Variants in BMAL2 observed in about 807,000 individuals in gnomAD.
The protein encoded by BMAL2 is basic helix-loop-helix ARNT-like protein 2.
At chr12:27,360,815 A>AAAAAAAAAAAAAAAAC in the BMAL2 span, among the ~76,000 whole-genome samples, 2 of 149,290 alleles carry the variant, frequency 1.3e-5, no homozygotes, top group Non-Finnish European at 3.0e-5. Flanking sequence ...AAAAAAAAAA[A>AAAAAAAAAAAAAAAAC]AAAAAAAAAA....
the BMAL2 span, chr12:27,403,345 G>A: frequency 1.1e-6 from 1 of 892,806 alleles, no homozygotes; most frequent in Non-Finnish European, 1.8e-6. Context: ...CAGCTAGTCT[G>A]TTTCTTTTAA....
the BMAL2 span, among the ~76,000 whole-genome samples, chr12:27,353,397 A>T: frequency 6.6e-6 from 1 of 152,150 alleles, no homozygotes; most frequent in Non-Finnish European, 1.5e-5. Context: ...AAAGTGGACC[A>T]CTTCTTTCAC....
the BMAL2 span, chr12:27,415,883 C>T: frequency 6.2e-7 from 1 of 1,607,328 alleles, no homozygotes; most frequent in Admixed American, 1.7e-5. Context: ...CAGTCTTCTT[C>T]ATACCTTGAT....
At chr12:27,406,254 T>C in the BMAL2 span, among the ~76,000 whole-genome samples, 1 of 152,108 alleles carries the variant, frequency 6.6e-6, no homozygotes, top group African/African-American at 2.4e-5. Flanking sequence ...GCCACAAAGA[T>C]ACTCCTCGAG....
chr12:27,418,966 A>AAG, the BMAL2 span, among the ~76,000 whole-genome samples: 98,252 of 149,154 alleles, frequency 0.66, 33,108 homozygotes, highest in Middle Eastern at 0.83. Flanking sequence ...GCAGCAGAAC[A>AAG]AGACTCCATC....
At chr12:27,339,628 CTT>C in the BMAL2 span, among the ~76,000 whole-genome samples, 8 of 144,548 alleles carry the variant, frequency 5.5e-5, no homozygotes, top group East Asian at 2.0e-4. Flanking sequence ...ACTTTTTGAC[CTT>C]TTTTTTTTTT....
chr12:27,420,311 C>T, the BMAL2 span: 1 of 1,548,422 alleles, frequency 6.5e-7, no homozygotes, highest in Non-Finnish European at 8.8e-7. Context: ...TTTTTTATCA[C>T]AATCATTTTT....
the BMAL2 span, among the ~76,000 whole-genome samples, chr12:27,410,793 A>G: frequency 3.3e-4 from 50 of 152,238 alleles, no homozygotes; most frequent in African/African-American, 1.1e-3. Context: ...AAGCTTTTCC[A>G]GAACACATGT....
At chr12:27,410,072 G>C in the BMAL2 span, among the ~76,000 whole-genome samples, 2 of 151,214 alleles carry the variant, frequency 1.3e-5, no homozygotes, top group East Asian at 3.9e-4. Flanking sequence ...TTAGAATGGC[G>C]ATCATTAAAA....
At chr12:27,368,170 T>G in the BMAL2 span, 3 of 1,480,156 alleles carry the variant, frequency 2.0e-6, no homozygotes, top group Non-Finnish European at 2.7e-6. Context: ...AATATCAAGA[T>G]AGAAAAGTCA....
the BMAL2 span, among the ~76,000 whole-genome samples, chr12:27,376,639 A>G: frequency 6.6e-6 from 1 of 152,206 alleles, no homozygotes; most frequent in Non-Finnish European, 1.5e-5. Flanking sequence ...ATTTTCTTCA[A>G]GCACTAAAGA....
At chr12:27,410,309 A>G in the BMAL2 span, among the ~76,000 whole-genome samples, 3 of 152,354 alleles carry the variant, frequency 2.0e-5, no homozygotes, top group East Asian at 5.8e-4. Context: ...TGTTTATTGC[A>G]GCACTATTCA....
At chr12:27,339,430 CTTTATAATAGAACAATTTATATTCCT>C in the BMAL2 span, among the ~76,000 whole-genome samples, 1 of 152,058 alleles carries the variant, frequency 6.6e-6, no homozygotes, top group African/African-American at 2.4e-5. Context: ...ATGCATGCAT[CTTTATAATAGAACAATTTATATTCCT>C]TTGGATATAT....
chr12:27,349,113 T>C, the BMAL2 span, among the ~76,000 whole-genome samples: 1 of 152,172 alleles, frequency 6.6e-6, no homozygotes, highest in Non-Finnish European at 1.5e-5. Context: ...CCTGAGATGA[T>C]TGGGCAGCAT....
chr12:27,393,608 C>T, the BMAL2 span, among the ~76,000 whole-genome samples: 1 of 152,182 alleles, frequency 6.6e-6, no homozygotes, highest in Non-Finnish European at 1.5e-5. Flanking sequence ...CTTTCACAGT[C>T]TTATTTCTGA....
At chr12:27,389,045 A>C in the BMAL2 span, 2 of 712,540 alleles carry the variant, frequency 2.8e-6, no homozygotes, top group Non-Finnish European at 4.9e-6. Context: ...AGTTCATGTC[A>C]CACAGTGTCG....
At chr12:27,373,011 T>C in the BMAL2 span, among the ~76,000 whole-genome samples, 3 of 152,152 alleles carry the variant, frequency 2.0e-5, no homozygotes, top group Non-Finnish European at 2.9e-5. Flanking sequence ...ATAGCCATCC[T>C]GGTAGGAGGG....
At chr12:27,403,394 A>G in the BMAL2 span, 1 of 1,255,498 alleles carries the variant, frequency 8.0e-7, no homozygotes, top group Non-Finnish European at 1.2e-6. Context: ...AAAGAAAGAT[A>G]AAGTCCTCAA....
chr12:27,347,227 G>T, the BMAL2 span, among the ~76,000 whole-genome samples: 9 of 152,152 alleles, frequency 5.9e-5, no homozygotes, highest in African/African-American at 2.2e-4. Flanking sequence ...GGCATTGAAT[G>T]TCACACAGGG....
Sources: allele counts gnomAD v4.1 joint callset (sites outside exome capture counted in the v4.1 genomes callset), GRCh38; gene constraint gnomAD v4.1.1; transcripts MANE v1.5; gene names NCBI Gene and HGNC (gene_info 2026-07-23, HGNC 2026-07-21).